Variants in HIBADH observed in about 807,000 individuals in gnomAD.
The protein encoded by HIBADH is 3-hydroxyisobutyrate dehydrogenase, also known as 3-hydroxyisobutyrate dehydrogenase, mitochondrial.
HIBADH carries 25 observed loss-of-function variants against 36.1 expected under a neutral mutation model. The ratio of observed to expected loss-of-function variants is 0.69; its 90% confidence interval spans 0.50 to 0.97. The LOEUF is 0.97. Among genes scored for constraint, HIBADH ranks in the 50% least tolerant of loss-of-function variants. HIBADH has a pLI of 0.00. For missense variants in HIBADH, 421 were observed against 418.0 expected (o/e 1.01, Z -0.06); for synonymous variants, 160 against 149.5 (o/e 1.07, Z -0.51).
intron 2 of HIBADH, among the ~76,000 whole-genome samples, chr7:27,638,891 T>C (rs1347455236): frequency 1.3e-5 from 2 of 152,124 alleles, no homozygotes; most frequent in Admixed American, 6.5e-5. Flanking sequence ...CACAATGAGA[T>C]ACAATATCAC....
intron 4 of HIBADH, among the ~76,000 whole-genome samples, chr7:27,575,056 T>A (rs930517372): frequency 6.6e-6 from 1 of 152,192 alleles, no homozygotes; most frequent in Non-Finnish European, 1.5e-5. Flanking sequence ...GGATATCCCA[T>A]GACCTTCCCT....
intron 4 of HIBADH, among the ~76,000 whole-genome samples, chr7:27,598,670 A>C (rs1472095716): frequency 2.0e-5 from 3 of 152,180 alleles, no homozygotes; most frequent in Non-Finnish European, 4.4e-5. Flanking sequence ...TCCATCTGCC[A>C]CAACAAAACA....
At chr7:27,555,040 GGAC>G (rs1314956207) in intron 4 of HIBADH, among the ~76,000 whole-genome samples, 34 of 152,236 alleles carry the variant, frequency 2.2e-4, no homozygotes, top group African/African-American at 7.9e-4. Flanking sequence ...TGAGGACAAA[GGAC>G]ACAGTACTGC....
intron 4 of HIBADH, among the ~76,000 whole-genome samples, chr7:27,593,356 T>C (rs1057491826): frequency 3.3e-5 from 5 of 152,178 alleles, no homozygotes; most frequent in African/African-American, 7.2e-5. Flanking sequence ...AATCAACCTG[T>C]ATCAGTTCCC....
Position 27,542,804 on chromosome 7 carries a change from C to A in HIBADH, c.618+163G>T, listed in dbSNP as rs1417369082. Among the ~76,000 whole-genome samples, 3 of 151,964 alleles carry A rather than the reference C, an allele frequency of 2.0e-5. No individual in the cohort carries two copies. In the South Asian group the frequency reaches 6.3e-4, roughly 32 times the overall value. ...ATTGGCTGATGTCTGCTTAAGCCCA[C>A]CAGGAATGATGCAAAACTAATTTAT... On this transcript the variant is annotated intron_variant, in intron 5 of 7. Transcript: ENST00000265395.
chr7:27,627,140 C>A (rs1785662866), intron 4 of HIBADH, among the ~76,000 whole-genome samples: 2 of 152,166 alleles, frequency 1.3e-5, no homozygotes, highest in Non-Finnish European at 2.9e-5. Flanking sequence ...GGCATGCTGA[C>A]CACCTGCTCC....
At chr7:27,527,439 G>A (rs1307587153) in intron 7 of HIBADH, among the ~76,000 whole-genome samples, 1 of 152,172 alleles carries the variant, frequency 6.6e-6, no homozygotes, top group East Asian at 1.9e-4. Flanking sequence ...GGAGGAGGGA[G>A]CTGGATGAAT....
intron 4 of HIBADH, among the ~76,000 whole-genome samples, chr7:27,599,987 G>T (rs909612379): frequency 6.6e-6 from 1 of 152,042 alleles, no homozygotes; most frequent in Non-Finnish European, 1.5e-5. Context: ...GGATATGGAA[G>T]AAGTAACAGA....
intron 1 of HIBADH, among the ~76,000 whole-genome samples, chr7:27,654,446 C>T (rs891822442): frequency 6.6e-5 from 10 of 151,960 alleles, no homozygotes; most frequent in Non-Finnish European, 1.2e-4. Context: ...CACAATCAAA[C>T]GCACAAGAGC....
chr7:27,632,304 C>A, intron 3 of HIBADH, 32 bp downstream of exon 3: 2 of 1,375,072 alleles, frequency 1.5e-6, no homozygotes, highest in Non-Finnish European at 2.1e-6. Flanking sequence ...ACTATCATAA[C>A]AAGAAAATAT....
intron 4 of HIBADH, among the ~76,000 whole-genome samples, chr7:27,624,328 T>C (rs1785601385): frequency 6.6e-6 from 1 of 152,230 alleles, no homozygotes; most frequent in Admixed American, 6.5e-5. Context: ...ATAGTAATGT[T>C]AAAGCTGGCC....
chr7:27,635,086 ATGTG>A lies in HIBADH; in HGVS notation c.253-2645_253-2642del, dbSNP rs3072901. ...TCTCTCTTTCTCTCTCTCTCTGTGC[ATGTG>A]TGTGTGTGTGTGTGTGTGTGTATTT... On this transcript the variant is annotated intron_variant, in intron 2 of 7. Transcript: ENST00000265395. Among the ~76,000 whole-genome samples the A allele has an allele frequency of 8.2e-3, 1,234 of 149,760 alleles. 11 individuals are homozygous for A. The highest frequency in any genetic ancestry group is 0.024 in the African/African-American group (980 of 40,680).
intron 4 of HIBADH, among the ~76,000 whole-genome samples, chr7:27,581,595 T>G (rs1197261648): frequency 6.6e-6 from 1 of 152,168 alleles, no homozygotes; most frequent in African/African-American, 2.4e-5. Flanking sequence ...TTTTATAGAT[T>G]TATGATATAC....
chr7:27,567,360 A>G (rs1429528647), intron 4 of HIBADH, among the ~76,000 whole-genome samples: 3 of 151,998 alleles, frequency 2.0e-5, no homozygotes, highest in African/African-American at 7.3e-5. Context: ...TATACTTTTA[A>G]TCTACCTACA....
At chr7:27,618,963 C>A (rs535926421) in intron 4 of HIBADH, among the ~76,000 whole-genome samples, 18 of 152,296 alleles carry the variant, frequency 1.2e-4, no homozygotes, top group African/African-American at 4.3e-4. Flanking sequence ...GCCCCCGTGA[C>A]CTCCCACCAG....
rs373871249 is a variant in HIBADH, at chr7:27,625,893, G to A, written c.484+3478C>T. On this transcript the variant is annotated intron_variant, in intron 4 of 7. Coordinates refer to ENST00000265395, the MANE Select transcript of HIBADH (RefSeq NM_152740.4). ...AAGGAGGGCAGAACACCTAAGGTCA[G>A]GAGTTCAAGACCAAACTGGCCAACA... is the stretch of plus-strand genomic sequence containing the variant. Among the ~76,000 whole-genome samples the A allele has an allele frequency of 3.0e-4, 46 of 152,048 alleles. No homozygotes were observed. The South Asian group carries it at 9.4e-3, about 31-fold the overall frequency.
At chr7:27,588,889 T>C (rs1007235855) in intron 4 of HIBADH, among the ~76,000 whole-genome samples, 2 of 152,214 alleles carry the variant, frequency 1.3e-5, no homozygotes, top group Non-Finnish European at 2.9e-5. Context: ...AGGAATTGCT[T>C]TTCAAATGCC....
Position 27,543,114 on chromosome 7 carries a change from G to A in HIBADH, c.485-14C>T, listed in dbSNP as rs1784182536. 1 of 1,612,782 alleles carries A rather than the reference G, an allele frequency of 6.2e-7. No homozygotes were observed. ...CAGCTCCTACACCTGAATCATTTGG[G>A]GGTAAAGGGATAGAAGCAAAAGAAT... is the stretch of plus-strand genomic sequence containing the variant. On this transcript the variant is annotated splice_polypyrimidine_tract_variant and intron_variant, in intron 4 of 7. Coordinates refer to ENST00000265395, the MANE Select transcript of HIBADH (RefSeq NM_152740.4).
Position 27,586,724 on chromosome 7 carries a change from T to G in HIBADH, c.484+42647A>C, listed in dbSNP as rs938648546. 5.2e-4 allele frequency among the ~76,000 whole-genome samples: 5 copies of G among 9,636 alleles called. No homozygotes were observed. The East Asian group carries it at 0.21, about 401-fold the overall frequency. 6.3% of individuals were successfully genotyped at this position (9,636 alleles called of 152,430 possible). A position where few individuals can be genotyped will look rare whatever the true frequency, so the allele number is the denominator to read the frequency against. ...CTTAGAAAAGGAGGGAAATCACTCT[T>G]GTGAGGCGTTAGCTTTGTGGTTCCA... On this transcript the variant is annotated intron_variant, in intron 4 of 7. Coordinates refer to ENST00000265395, the MANE Select transcript of HIBADH (RefSeq NM_152740.4).
Sources: gnomAD v4.1 joint callset for allele counts (sites outside exome capture counted in the v4.1 genomes callset) on GRCh38, gnomAD v4.1.1 for gene constraint, MANE v1.5 for transcripts, NCBI Gene and HGNC (gene_info 2026-07-23, HGNC 2026-07-21) for gene names.